ARHGEF4: variants seen among roughly 807,000 people sequenced by gnomAD.
The protein encoded by ARHGEF4 is Rho guanine nucleotide exchange factor 4.
Under a neutral mutation model 162.0 loss-of-function variants are expected in ARHGEF4, and 119 were observed. The observed-to-expected ratio is 0.73, with a 90% CI of 0.63 to 0.86. The LOEUF is 0.86. Ranked by LOEUF, ARHGEF4 falls within the 40% of genes least tolerant of loss-of-function variation. The pLI, the probability that ARHGEF4 is intolerant of heterozygous loss-of-function variation, is 0.00. For missense variants in ARHGEF4, 2,488 were observed against 2,456.0 expected (o/e 1.01, Z -0.28); for synonymous variants, 1,014 against 979.9 (o/e 1.03, Z -0.65).
intron 1 of ARHGEF4, among the ~76,000 whole-genome samples, chr2:130,892,166 C>A (rs1440818712): frequency 6.6e-6 from 1 of 152,180 alleles, no homozygotes; most frequent in African/African-American, 2.4e-5. Flanking sequence ...TATTTGAATA[C>A]TGTCTCTTCA....
chr2:130,975,682 TA>T (rs1685655312), intron 4 of ARHGEF4, among the ~76,000 whole-genome samples: 1 of 152,186 alleles, frequency 6.6e-6, no homozygotes. Context: ...GAACTGTAAG[TA>T]AAACTGGAAG....
chr2:130,931,357 A>C, intron 3 of ARHGEF4, 100 bp downstream of exon 3: 1 of 1,313,752 alleles, frequency 7.6e-7, no homozygotes, highest in Non-Finnish European at 1.0e-6. Flanking sequence ...CTCTCCTGAG[A>C]TGTAACTTGT....
At chr2:130,845,109 AC>A (rs1363530837) in intron 1 of ARHGEF4, among the ~76,000 whole-genome samples, 3 of 150,510 alleles carry the variant, frequency 2.0e-5, no homozygotes, top group Non-Finnish European at 4.4e-5. Context: ...GGCGTGAGCC[AC>A]CCGGCCCGCT....
chr2:130,869,024 C>G (rs1682495141), intron 1 of ARHGEF4, among the ~76,000 whole-genome samples: 1 of 152,242 alleles, frequency 6.6e-6, no homozygotes, highest in Non-Finnish European at 1.5e-5. Context: ...CACTTCATTA[C>G]CTCAGCCCCA....
intron 4 of ARHGEF4, among the ~76,000 whole-genome samples, chr2:131,009,983 C>T (rs1002282647): frequency 6.6e-5 from 10 of 151,634 alleles, no homozygotes; most frequent in Admixed American, 1.3e-4. Context: ...TTGTTTTTTC[C>T]GACCTTTTAG....
rs370694048 is a variant in ARHGEF4, at chr2:130,926,048, C to CTCTTTCTTTCTTTCTTTCTT, written c.3553-4894_3553-4875dup. ...TCTTTCTTTCTTTCTTTCTTTCTTT[C>CTCTTTCTTTCTTTCTTTCTT]TCTTTCTTTCTTTCTTTCTTTCTTT... On this transcript the variant is annotated intron_variant, in intron 2 of 13. Coordinates refer to ENST00000409359, the MANE Select transcript of ARHGEF4 (RefSeq NM_001367493.1). 3.4e-3 allele frequency among the ~76,000 whole-genome samples: 183 copies of CTCTTTCTTTCTTTCTTTCTT among 53,446 alleles called. 3 individuals carry two copies. Among genetic ancestry groups the CTCTTTCTTTCTTTCTTTCTT allele is most frequent in the East Asian group, 0.015 (15 of 1,008 alleles). The allele number at this position is 53,446 out of a possible 152,430, so 35.1% of individuals were successfully genotyped here.
chr2:131,025,056 C>T (rs1689389703), intron 4 of ARHGEF4, among the ~76,000 whole-genome samples: 1 of 152,082 alleles, frequency 6.6e-6, no homozygotes, highest in Non-Finnish European at 1.5e-5. Context: ...TTAGTCCATT[C>T]TCACAGTCCT....
chr2:131,022,421 A>G lies in ARHGEF4; in HGVS notation c.3986-5524A>G, dbSNP rs193194991. Among the ~76,000 whole-genome samples, 23 of 152,188 alleles carry G rather than the reference A, an allele frequency of 1.5e-4. No homozygotes were observed. The East Asian group carries it at 3.9e-3, about 26-fold the overall frequency. ...TTTCTAGAAATTTTCCATTTCATCT[A>G]GTTTATTTAATTTGCTATTGTACAA... On this transcript the variant is annotated intron_variant, in intron 4 of 13. Transcript: ENST00000409359.
chr2:130,973,063 C>G (rs1270791888), intron 4 of ARHGEF4, among the ~76,000 whole-genome samples: 4 of 152,202 alleles, frequency 2.6e-5, no homozygotes, highest in African/African-American at 9.7e-5. Context: ...TTCAGTAAGT[C>G]TAGAGCAAGC....
In ARHGEF4 at chr2:131,041,090, G is replaced by A; in HGVS notation, c.4663-140G>A. Reference sequence around the variant, plus strand: ...TGTAGCTTATGCCCCAGGGAAATAGGTACACACAGCCTGGGTCTCCCCTAG... The same window carrying A: ...TGTAGCTTATGCCCCAGGGAAATAGATACACACAGCCTGGGTCTCCCCTAG... On this transcript the variant is annotated intron_variant, in intron 8 of 13. Coordinates refer to ENST00000409359, the MANE Select transcript of ARHGEF4 (RefSeq NM_001367493.1). 4 of 701,714 alleles carry A rather than the reference G, an allele frequency of 5.7e-6. No individual in the cohort carries two copies. The South Asian group carries it at 7.4e-5, about 13-fold the overall frequency. 43.5% of individuals were successfully genotyped at this position (701,714 alleles called of 1,614,324 possible). A position where few individuals can be genotyped will look rare whatever the true frequency, so the allele number is the denominator to read the frequency against.
intron 1 of ARHGEF4, among the ~76,000 whole-genome samples, chr2:130,848,999 C>T (rs1281344061): frequency 6.6e-6 from 1 of 151,632 alleles, no homozygotes; most frequent in African/African-American, 2.4e-5. Flanking sequence ...GGGCACTGCC[C>T]ACCTGTGCAC....
intron 2 of ARHGEF4, among the ~76,000 whole-genome samples, chr2:130,920,765 T>G (rs1187501343): frequency 6.6e-6 from 1 of 152,252 alleles, no homozygotes; most frequent in Non-Finnish European, 1.5e-5. Context: ...TGTTGTTTAC[T>G]TCTAGATTTC....
At chr2:131,042,732 A>C (rs1573709970) in intron 10 of ARHGEF4, among the ~76,000 whole-genome samples, 1 of 152,226 alleles carries the variant, frequency 6.6e-6, no homozygotes, top group East Asian at 1.9e-4. Context: ...GCCCTGGCTC[A>C]GGGCCCTCCA....
At chr2:130,907,363 T>C (rs1438042365) in intron 1 of ARHGEF4, among the ~76,000 whole-genome samples, 8 of 151,736 alleles carry the variant, frequency 5.3e-5, no homozygotes, top group East Asian at 2.0e-4. Context: ...TACAGGCGCC[T>C]GCCACCATGC....
At chr2:130,968,747 G>A (rs552458295) in intron 4 of ARHGEF4, among the ~76,000 whole-genome samples, 11 of 151,980 alleles carry the variant, frequency 7.2e-5, no homozygotes, top group Admixed American at 3.9e-4. Context: ...GTGAAACCCC[G>A]TCTCTACTAA....
chr2:130,915,170 G>A lies in ARHGEF4; in HGVS notation c.1224G>A (p.Gly408=), dbSNP rs1416683787. ...PHLQGPCKPG[G]FRLQRASQDT... ...TGCAGGGTCCCTGCAAGCCTGGTGG[G>A]TTTCGCTTGCAAAGGGCCTCTCAGG... Residue 408 remains glycine (G), a synonymous_variant, in exon 2 of 14, where the codon GGG becomes GGA. Coordinates refer to ENST00000409359, the MANE Select transcript of ARHGEF4 (RefSeq NM_001367493.1). 2 of 1,550,600 alleles carry A rather than the reference G, an allele frequency of 1.3e-6. No homozygotes were observed. Among genetic ancestry groups the A allele is most frequent in the Admixed American group, 3.9e-5 (2 of 51,002 alleles).
intron 6 of ARHGEF4, 60 bp downstream of exon 6, chr2:131,039,092 CA>C (rs2105402348): frequency 6.6e-7 from 1 of 1,510,598 alleles, no homozygotes; most frequent in East Asian, 2.4e-5. Context: ...CCTGGTTCTG[CA>C]GAGAAATCCA....
At chr2:130,898,846 T>G (rs910090440) in intron 1 of ARHGEF4, among the ~76,000 whole-genome samples, 4 of 152,034 alleles carry the variant, frequency 2.6e-5, no homozygotes, top group Non-Finnish European at 5.9e-5. Context: ...AGACAGATTG[T>G]AGTCTCTGTG....
chr2:130,969,800 A>G (rs1685244409), intron 4 of ARHGEF4, among the ~76,000 whole-genome samples: 1 of 152,134 alleles, frequency 6.6e-6, no homozygotes. Context: ...TTTGTGGTCC[A>G]TTCATTCCCC....
Sources: gnomAD v4.1 joint callset for allele counts (sites outside exome capture counted in the v4.1 genomes callset) on GRCh38, gnomAD v4.1.1 for gene constraint, MANE v1.5 for transcripts, NCBI Gene and HGNC (gene_info 2026-07-23, HGNC 2026-07-21) for gene names.